CEP76: variants seen among roughly 807,000 people sequenced by gnomAD.
The protein encoded by CEP76 is centrosomal protein 76.
Under a neutral mutation model 83.3 loss-of-function variants are expected in CEP76, and 55 were observed. The ratio of observed to expected loss-of-function variants is 0.66; its 90% CI spans 0.53 to 0.83. The LOEUF is 0.83. Ranked by LOEUF, CEP76 falls within the 40% of genes least tolerant of loss-of-function variation. The pLI is 0.00. For missense variants in CEP76, 694 were observed against 799.5 expected (o/e 0.87, Z 1.59); for synonymous variants, 270 against 274.5 (o/e 0.98, Z 0.16).
chr18:12,700,612 C>G (rs1044507418), intron 2 of CEP76, among the ~76,000 whole-genome samples: 1 of 152,048 alleles, frequency 6.6e-6, no homozygotes, highest in Non-Finnish European at 1.5e-5. Flanking sequence ...TAAAAATACG[C>G]TTAATCTAAA....
At chr18:12,702,289 C>T (rs2040184487) in intron 1 of CEP76, 197 bp downstream of exon 1, 3 of 551,146 alleles carry the variant, frequency 5.4e-6, no homozygotes, top group Non-Finnish European at 9.5e-6. Context: ...CTAGCACCTG[C>T]TCGGCTCGTT....
intron 8 of CEP76, among the ~76,000 whole-genome samples, chr18:12,681,865 G>A (rs898072787): frequency 6.6e-6 from 1 of 151,970 alleles, no homozygotes; most frequent in Non-Finnish European, 1.5e-5. Context: ...GTATGGTGGT[G>A]TGTGCCTGTA....
downstream of CEP76, chr18:12,671,130 T>TTGG (rs141935819): frequency 2.7e-5 from 4 of 149,224 alleles, no homozygotes; most frequent in Non-Finnish European, 3.0e-5. Flanking sequence ...TTTAGAGAAA[T>TTGG]AGGGGGGGGT....
intron 12 of CEP76, among the ~76,000 whole-genome samples, chr18:12,664,698 CT>C (rs76222169): frequency 4.8e-3 from 654 of 137,508 alleles, no homozygotes; most frequent in Middle Eastern, 0.024. Flanking sequence ...TTGTCCTGAT[CT>C]TTTTTTTTTT....
intron 2 of CEP76, 62 bp downstream of exon 2, chr18:12,700,892 ATAAG>A: frequency 3.0e-6 from 4 of 1,338,780 alleles, no homozygotes; most frequent in Non-Finnish European, 4.1e-6. Context: ...TCGGAACCTT[ATAAG>A]TAGTGTTACG....
downstream of CEP76, among the ~76,000 whole-genome samples, chr18:12,669,868 A>G (rs2038896828): frequency 1.3e-5 from 2 of 151,866 alleles, no homozygotes; most frequent in African/African-American, 4.8e-5. Flanking sequence ...GTGGTGGCGC[A>G]TGCCTGTAAT....
Position 12,680,697 on chromosome 18 carries a change from C to T in CEP76, c.1254G>A (p.Gly418=). 6.2e-7 allele frequency: 1 copy of T among 1,613,172 alleles called. No individual in the cohort carries two copies. The highest frequency in any genetic ancestry group is 8.5e-7 in the Non-Finnish European group (1 of 1,179,608). The stretch of plus-strand genomic sequence containing the variant: ...TTAAACTCTCCCAAAAAGTGATGGC[C>T]CCATCAGTTCCACAAGTCATAACCC... ...HAWVMTCGTD[G]AITFWESLTG... The change falls in exon 9 of 12, where the codon GGG becomes GGA. Residue 418 remains glycine, a synonymous_variant. Transcript: ENST00000262127.
intron 7 of CEP76, among the ~76,000 whole-genome samples, chr18:12,688,921 T>C (rs1172975618): frequency 2.0e-5 from 3 of 152,076 alleles, no homozygotes; most frequent in African/African-American, 7.2e-5. Context: ...GAGACCATCC[T>C]GGCTAACACA....
At chr18:12,689,793 C>T (rs1598644990) in intron 7 of CEP76, among the ~76,000 whole-genome samples, 1 of 151,658 alleles carries the variant, frequency 6.6e-6, no homozygotes, top group Non-Finnish European at 1.5e-5. Context: ...TATTTTTTGT[C>T]GTTGTTATTG....
rs747357666 is a variant in CEP76 at position 12,691,505 on chromosome 18, T to A, written c.805-18A>T. The A allele has an allele frequency of 1.9e-6, 3 of 1,562,700 alleles. No individual in the cohort carries two copies. In the East Asian group the frequency reaches 6.8e-5, roughly 35 times the overall value. On this transcript the variant is annotated intron_variant, in intron 6 of 11. Coordinates refer to ENST00000262127, the MANE Select transcript of CEP76 (RefSeq NM_024899.4). The stretch of plus-strand genomic sequence containing the variant: ...AAAGCAAGCTTGAAATTGAAAAAAA[T>A]ATTTTTCAATTTCTATTCATTATCT...
At chr18:12,664,022 G>A (rs1017542763) in intron 12 of CEP76, among the ~76,000 whole-genome samples, 1 of 152,202 alleles carries the variant, frequency 6.6e-6, no homozygotes, top group Non-Finnish European at 1.5e-5. Context: ...AAATTAGCTA[G>A]GCATGGTGGT....
In CEP76 at chr18:12,699,003, GT is replaced by G; in HGVS notation, c.495del (p.Leu165PhefsTer24). The G allele has an allele frequency of 6.2e-7, 1 of 1,612,862 alleles. No individual in the cohort carries two copies. The highest frequency in any genetic ancestry group is 1.1e-5 in the South Asian group (1 of 90,970). ...ACEPDFHDGF[L>X]LEVHRESLGD... ...CCCAAGCTTTCTCTGTGTACTTCAA[GT>G]AAAAAGCCATCATGAAAATCTGGTT... On this transcript the variant is annotated frameshift_variant, in exon 4 of 12. Transcript: ENST00000262127. LOFTEE classifies it high-confidence loss of function.
chr18:12,686,614 TAATCCTCA>T (rs2039548500), intron 7 of CEP76, 164 bp from the exon 8 acceptor site: 5 of 513,162 alleles, frequency 9.7e-6, no homozygotes, highest in Non-Finnish European at 1.7e-5. Flanking sequence ...TAATTTCCCT[TAATCCTCA>T]TCTCCGTTAT....
intron 11 of CEP76, among the ~76,000 whole-genome samples, chr18:12,673,739 C>T (rs940439145): frequency 2.6e-5 from 4 of 151,870 alleles, no homozygotes; most frequent in African/African-American, 9.7e-5. Flanking sequence ...AAATTAGCCG[C>T]GTGTGGTGGC....
chr18:12,676,279 C>CTTTTTT (rs1157897766), intron 10 of CEP76, among the ~76,000 whole-genome samples: 5 of 106,404 alleles, frequency 4.7e-5, no homozygotes, highest in African/African-American at 7.0e-5. Flanking sequence ...ACAGTAATTC[C>CTTTTTT]TTTTTTTTTT....
At chr18:12,669,324 C>G (rs913379408), downstream of CEP76, among the ~76,000 whole-genome samples, 2 of 151,892 alleles carry the variant, frequency 1.3e-5, no homozygotes, top group Non-Finnish European at 2.9e-5. Flanking sequence ...GTTGGTCAGG[C>G]TGGTCTCGAA....
chr18:12,683,501 AG>A (rs1170658392), intron 8 of CEP76, among the ~76,000 whole-genome samples: 1 of 152,146 alleles, frequency 6.6e-6, no homozygotes, highest in African/African-American at 2.4e-5. Flanking sequence ...AACGGAAATC[AG>A]CACTTTAGGA....
At chr18:12,687,051 T>C (rs1333952145) in intron 7 of CEP76, among the ~76,000 whole-genome samples, 6 of 152,192 alleles carry the variant, frequency 3.9e-5, no homozygotes, top group Non-Finnish European at 7.3e-5. Flanking sequence ...ATAACTTGTA[T>C]GCATATATAG....
rs535216957 is a variant in CEP76 at position 12,686,165 on chromosome 18, T to C, written c.1122+97A>G. 1.6e-4 allele frequency: 147 copies of C among 932,808 alleles called. 2 individuals are homozygous for C. Among genetic ancestry groups the C allele is most frequent in the Non-Finnish European group, 2.1e-4 (133 of 629,662 alleles). The allele number at this position is 932,808 out of a possible 1,614,324, so 57.8% of individuals were successfully genotyped here. On this transcript the variant is annotated intron_variant, in intron 8 of 11. Transcript: ENST00000262127. ...ACCTGTGGGTACAGAGGGTTGACTA[T>C]ATGTGCATTTTTCTAAGGCATTCTT...
Sources: allele counts gnomAD v4.1 joint callset (sites outside exome capture counted in the v4.1 genomes callset), GRCh38; gene constraint gnomAD v4.1.1; transcripts MANE v1.5; gene names NCBI Gene and HGNC (gene_info 2026-07-23, HGNC 2026-07-21).